Variants in INTS7 observed in about 807,000 individuals in gnomAD.
INTS7 encodes the protein integrator complex subunit 7, also known as chromosome 1 open reading frame 73.
INTS7 carries 46 observed loss-of-function variants against 109.2 expected under a neutral mutation model. That is an observed-to-expected ratio of 0.42 (90% CI 0.33 to 0.54). The LOEUF is 0.54. Among genes scored for constraint, INTS7 ranks in the 20% least tolerant of loss-of-function variants. The probability of loss-of-function intolerance (pLI) is 0.07; values close to 1 mark genes in which losing one functional copy is unlikely to be tolerated. For synonymous variants in INTS7, 412 were observed against 402.9 expected, an observed-to-expected ratio of 1.02 and a Z score of -0.27; for missense variants, 929 against 1,132.4, an observed-to-expected ratio of 0.82 and a Z score of 2.58.
chr1:212,015,710 T>TAAAAA (rs58204818), intron 4 of INTS7, among the ~76,000 whole-genome samples: 22 of 34,982 alleles, frequency 6.3e-4, no homozygotes, highest in East Asian at 1.0e-3. Context: ...CAATAAATAC[T>TAAAAA]AAAAAAAAAA....
rs563331813 is a variant in INTS7 at position 211,941,726 on chromosome 1, C to T, written c.*98G>A. The T allele has an allele frequency of 3.8e-5, 56 of 1,474,344 alleles. No individual in the cohort carries two copies. In the East Asian group the frequency reaches 5.7e-4, roughly 15 times the overall value. The allele number at this position is 1,474,344 out of a possible 1,614,324, so 91.3% of individuals were successfully genotyped here. On this transcript the variant is annotated 3_prime_UTR_variant, in exon 20 of 20. Coordinates refer to ENST00000366994, the MANE Select transcript of INTS7 (RefSeq NM_015434.4). ...TTACAAAAATCAATGAATAAATGAA[C>T]TACACTGTAACTTTAATACTTATTC...
Position 211,959,828 on chromosome 1 carries a change from T to C in INTS7, c.2183+6602A>G, listed in dbSNP as rs985735486. Among the ~76,000 whole-genome samples the C allele has an allele frequency of 2.6e-5, 4 of 152,172 alleles. No homozygotes were observed. Among genetic ancestry groups the C allele is most frequent in the Non-Finnish European group, 1.5e-5 (1 of 68,034 alleles). On this transcript the variant is annotated intron_variant, in intron 16 of 19. Transcript: ENST00000366994. This position sits in a 1 kb window ranked among gnomAD's most constrained non-coding sequence, Gnocchi z 4.2. Reference sequence around the variant, plus strand: ...TATGCTTATACTACCACTAGTGCCATGGCGTGCAGTTACCAACAGGGTTCC... The same window carrying C: ...TATGCTTATACTACCACTAGTGCCACGGCGTGCAGTTACCAACAGGGTTCC...
intron 16 of INTS7, among the ~76,000 whole-genome samples, chr1:211,964,648 A>C (rs1663788868): frequency 6.6e-6 from 1 of 152,158 alleles, no homozygotes; most frequent in Non-Finnish European, 1.5e-5. Context: ...TAGAATAGAG[A>C]GCCCAGAAAC....
At chr1:212,019,512 C>T (rs1291260825) in intron 3 of INTS7, among the ~76,000 whole-genome samples, 1 of 151,854 alleles carries the variant, frequency 6.6e-6, no homozygotes, top group Non-Finnish European at 1.5e-5. Flanking sequence ...GAAATGAACA[C>T]TATAATTTAG....
At chr1:212,017,146 G>T in intron 3 of INTS7, 123 bp from the exon 4 acceptor site, 1 of 624,876 alleles carries the variant, frequency 1.6e-6, no homozygotes, top group Non-Finnish European at 2.6e-6. Context: ...TGTAACTCCA[G>T]TTAATAAAGC....
rs756472267 is a variant in INTS7, at chr1:211,941,998, T to A, written c.2715A>T (p.Thr905=). Residue 905 remains threonine (T), a synonymous_variant, in exon 20 of 20, where the codon ACA becomes ACT. Coordinates refer to ENST00000366994, the MANE Select transcript of INTS7 (RefSeq NM_015434.4). ...NFAILGTHNI[T]VESSVKDANG... is the part of the protein sequence containing the mutation. ...TGGCATCTTTCACAGAAGATTCCAC[T>A]GTAATGTTGTGTGTTCCAAGGATAG... 3.7e-6 allele frequency: 6 copies of A among 1,614,122 alleles called. No individual in the cohort carries two copies. The highest frequency in any genetic ancestry group is 5.1e-6 in the Non-Finnish European group (6 of 1,180,048).
Position 212,020,163 on chromosome 1 carries a change from C to CA in INTS7, c.329dup (p.Ile111AspfsTer3). 2 of 1,609,192 alleles carry CA rather than the reference C, an allele frequency of 1.2e-6. No homozygotes were observed. Reference sequence around the variant, plus strand: ...TTGCCACAGGATCATTACTATGAATCACAGAAAAAATTCTCTTCACAAATT... The same window carrying CA: ...TTGCCACAGGATCATTACTATGAATCAACAGAAAAAATTCTCTTCACAAATT... On this transcript the variant is annotated frameshift_variant, in exon 3 of 20. Transcript: ENST00000366994. LOFTEE classifies it high-confidence loss of function.
rs752368338 is a variant in INTS7, at chr1:211,942,137, C to T, written c.2602-26G>A. 49 of 1,605,102 alleles carry T rather than the reference C, an allele frequency of 3.1e-5. No homozygotes were observed. In the South Asian group the frequency reaches 5.5e-4, roughly 18 times the overall value. The stretch of plus-strand genomic sequence containing the variant: ...CTGCAATGAAACAATTGTTAACTAA[C>T]AACAATGGCTAACATTTCTTCAGTG... On this transcript the variant is annotated intron_variant, in intron 19 of 19. Transcript: ENST00000366994. The surrounding 1 kb of genome is among the most constrained non-coding windows in gnomAD (Gnocchi z 4.2).
In INTS7 at chr1:212,021,096, C is replaced by T. The variant is rs1666674565; in HGVS notation, c.211G>A (p.Val71Ile). ...AAAAAGACTTACCCAACTCTGAAAA[C>T]ATCAGCTAACTTTAGGAATGCAGAA... is the stretch of plus-strand genomic sequence containing the variant. ...INSAFLKLAD[V>I]FRVGNNFLRL... Residue 71 changes from valine (V) to isoleucine (I), a missense_variant, in exon 2 of 20, where the codon GTT (valine) becomes ATT (isoleucine). Val to Ile is a conservative substitution (Grantham distance 29). This residue lies in a region of INTS7 where 142 missense variants were observed against 231.4 expected (regional missense o/e 0.61). Transcript: ENST00000366994. 2.5e-6 allele frequency: 4 copies of T among 1,603,740 alleles called. No individual in the cohort carries two copies. Among genetic ancestry groups the T allele is most frequent in the African/African-American group, 1.3e-5 (1 of 74,150 alleles).
intron 7 of INTS7, among the ~76,000 whole-genome samples, chr1:211,995,777 G>T (rs1441682349): frequency 6.6e-6 from 1 of 152,160 alleles, no homozygotes; most frequent in Admixed American, 6.5e-5. Flanking sequence ...CATGAATGGG[G>T]TAAGTAACCT....
chr1:211,989,290 T>C (rs1448280874), intron 7 of INTS7, among the ~76,000 whole-genome samples: 1 of 151,546 alleles, frequency 6.6e-6, no homozygotes, highest in East Asian at 1.9e-4. Flanking sequence ...ATTTAATATA[T>C]GATAATGGCA....
chr1:211,983,364 C>G (rs901187632), intron 8 of INTS7, among the ~76,000 whole-genome samples: 1 of 152,080 alleles, frequency 6.6e-6, no homozygotes, highest in Non-Finnish European at 1.5e-5. Context: ...AAGAATCTTG[C>G]CATTAAGTTC....
At chr1:211,984,939 C>T (rs1571875744) in intron 8 of INTS7, among the ~76,000 whole-genome samples, 1 of 152,098 alleles carries the variant, frequency 6.6e-6, no homozygotes, top group Non-Finnish European at 1.5e-5. Flanking sequence ...TATTGATGAT[C>T]TTTTAATGCT....
chr1:211,991,009 A>C (rs1665121457), intron 7 of INTS7, among the ~76,000 whole-genome samples: 1 of 152,234 alleles, frequency 6.6e-6, no homozygotes. Flanking sequence ...GCAGGTGGTC[A>C]TGATGGCCTG....
intron 7 of INTS7, among the ~76,000 whole-genome samples, chr1:212,005,648 T>G (rs1368176495): frequency 6.6e-6 from 1 of 152,184 alleles, no homozygotes; most frequent in Non-Finnish European, 1.5e-5. Flanking sequence ...CTAAAATGAC[T>G]AAAGTGGCTG....
chr1:211,953,224 T>C (rs893845425), intron 16 of INTS7, among the ~76,000 whole-genome samples: 19 of 152,126 alleles, frequency 1.2e-4, no homozygotes, highest in African/African-American at 3.6e-4. Flanking sequence ...ATCTAAAGCA[T>C]GGAGATGAAA....
intron 1 of INTS7, among the ~76,000 whole-genome samples, chr1:212,024,693 C>T (rs1666846711): frequency 6.6e-6 from 1 of 152,172 alleles, no homozygotes; most frequent in Non-Finnish European, 1.5e-5. Context: ...AAAAAAGGAA[C>T]CAGTTACTGA....
At chr1:211,979,505 A>G (rs1664558396) in intron 10 of INTS7, among the ~76,000 whole-genome samples, 1 of 152,240 alleles carries the variant, frequency 6.6e-6, no homozygotes, top group Non-Finnish European at 1.5e-5. Flanking sequence ...TAAGTCTTCA[A>G]CAAAGATTGG....
intron 7 of INTS7, among the ~76,000 whole-genome samples, chr1:211,989,263 T>C (rs190757618): frequency 7.9e-5 from 12 of 152,038 alleles, no homozygotes; most frequent in African/African-American, 2.7e-4. Flanking sequence ...AAGGAATAGA[T>C]TCAAATATAT....
Sources: gnomAD v4.1 joint callset for allele counts (sites outside exome capture counted in the v4.1 genomes callset) on GRCh38, gnomAD v4.1.1 for gene constraint, gnomAD v4.1.1 regional missense constraint, Gnocchi (gnomAD v3.1) non-coding constraint, MANE v1.5 for transcripts, NCBI Gene and HGNC (gene_info 2026-07-23, HGNC 2026-07-21) for gene names.